The following PDE1C variants were observed in gnomAD, a reference collection of about 807,000 sequenced individuals.
The protein encoded by PDE1C is dual specificity calcium/calmodulin-dependent 3',5'-cyclic nucleotide phosphodiesterase 1C.
In PDE1C, 62 loss-of-function variants were observed where a neutral mutation model predicts 93.1. That is an observed-to-expected ratio of 0.67 (90% CI 0.54 to 0.82). The LOEUF (loss-of-function observed/expected upper bound fraction) is 0.82, where lower values mean the gene tolerates loss of function less well. Among genes scored for constraint, PDE1C ranks in the 40% least tolerant of loss-of-function variants. The probability of loss-of-function intolerance (pLI) is 0.00; values close to 1 mark genes in which losing one functional copy is unlikely to be tolerated. For synonymous variants in PDE1C, 325 were observed against 310.1 expected (o/e 1.05, Z -0.50); for missense variants, 742 against 884.6 (o/e 0.84, Z 2.04).
chr7:32,229,335 G>A (rs921609425), intron 1 of PDE1C, among the ~76,000 whole-genome samples: 17 of 152,166 alleles, frequency 1.1e-4, no homozygotes, highest in Non-Finnish European at 2.2e-4. Flanking sequence ...CACAAGTCTA[G>A]GGAGCACTTG....
intron 1 of PDE1C, among the ~76,000 whole-genome samples, chr7:32,246,393 G>A (rs1026609684): frequency 3.3e-5 from 5 of 152,060 alleles, no homozygotes; most frequent in African/African-American, 1.2e-4. Context: ...GTAGCAGGGG[G>A]CAGATGTGTA....
At chr7:31,794,582 C>A (rs1439322714) in intron 16 of PDE1C, among the ~76,000 whole-genome samples, 1 of 152,000 alleles carries the variant, frequency 6.6e-6, no homozygotes, top group Non-Finnish European at 1.5e-5. Context: ...GAATGTAGCA[C>A]ATTAACACAA....
intron 1 of PDE1C, among the ~76,000 whole-genome samples, chr7:32,408,149 C>T (rs540166197): frequency 9.9e-5 from 15 of 152,224 alleles, no homozygotes; most frequent in South Asian, 8.3e-4. Context: ...ACAAGAGGTA[C>T]GCCAAGAGGC....
At position 32,088,007 on chromosome 7, in the gene PDE1C, T is replaced by C. The variant is rs61227517; in HGVS notation, c.308+81778A>G. ...CCTAAAACTTAAAGTATAATAATAA[T>C]AAAATAAAAAAATAAAAAATAAAAA... On this transcript the variant is annotated intron_variant, in intron 3 of 18. Transcript: ENST00000396193. Among the ~76,000 whole-genome samples, 1,444 of 146,148 alleles carry C rather than the reference T, an allele frequency of 9.9e-3. 19 individuals carry two copies. The highest frequency in any genetic ancestry group is 0.034 in the African/African-American group (1,376 of 40,198).
chr7:31,660,143 G>A, the PDE1C span, among the ~76,000 whole-genome samples: 1 of 152,212 alleles, frequency 6.6e-6, no homozygotes, highest in South Asian at 2.1e-4. Flanking sequence ...GACCTCTCTG[G>A]TCTTGCTGAA....
intron 2 of PDE1C, among the ~76,000 whole-genome samples, chr7:31,908,352 G>C (rs988098274): frequency 1.3e-5 from 2 of 152,032 alleles, no homozygotes; most frequent in Admixed American, 6.6e-5. Flanking sequence ...AGTTTTGAAG[G>C]TGGTGCCAAA....
chr7:32,407,235 G>T (rs981619580), intron 1 of PDE1C, among the ~76,000 whole-genome samples: 1 of 152,080 alleles, frequency 6.6e-6, no homozygotes, highest in Non-Finnish European at 1.5e-5. Context: ...AGATCATGCC[G>T]CTGCAGTCCA....
At chr7:31,912,451 C>A (rs1405194589) in intron 2 of PDE1C, among the ~76,000 whole-genome samples, 1 of 151,860 alleles carries the variant, frequency 6.6e-6, no homozygotes, top group African/African-American at 2.4e-5. Flanking sequence ...TTTGGGAGGC[C>A]GAGACAGGTG....
At chr7:32,219,484 G>T (rs1007050549) in intron 1 of PDE1C, among the ~76,000 whole-genome samples, 53 of 152,292 alleles carry the variant, frequency 3.5e-4, no homozygotes, top group African/African-American at 1.1e-3. Context: ...TGCAGATAGG[G>T]ATGTGACTTT....
intron 1 of PDE1C, among the ~76,000 whole-genome samples, chr7:32,226,482 G>C (rs1002025967): frequency 5.3e-5 from 8 of 152,124 alleles, no homozygotes; most frequent in Admixed American, 2.0e-4. Flanking sequence ...CATCATAACG[G>C]GTAATGATTA....
At chr7:31,931,405 T>A (rs1200281197) in intron 2 of PDE1C, among the ~76,000 whole-genome samples, 1 of 152,148 alleles carries the variant, frequency 6.6e-6, no homozygotes. Flanking sequence ...GGAAACAACA[T>A]CAATGTGCAA....
intron 3 of PDE1C, among the ~76,000 whole-genome samples, chr7:32,133,008 A>G (rs1340736523): frequency 2.0e-5 from 3 of 152,182 alleles, no homozygotes; most frequent in African/African-American, 7.2e-5. Flanking sequence ...ATTTAGGAAA[A>G]AAATTATAAG....
At chr7:31,798,571 A>C (rs759572643) in intron 16 of PDE1C, among the ~76,000 whole-genome samples, 3 of 151,822 alleles carry the variant, frequency 2.0e-5, no homozygotes, top group Non-Finnish European at 4.4e-5. Flanking sequence ...ATGGTCACTA[A>C]GACCACCATC....
At chr7:32,308,481 C>G (rs1447587857) in intron 1 of PDE1C, among the ~76,000 whole-genome samples, 1 of 152,222 alleles carries the variant, frequency 6.6e-6, no homozygotes, top group Non-Finnish European at 1.5e-5. Context: ...GAGGCACCCC[C>G]CAGTAGTGGC....
chr7:31,674,892 A>G, the PDE1C span, among the ~76,000 whole-genome samples: 2 of 152,182 alleles, frequency 1.3e-5, no homozygotes, highest in Non-Finnish European at 2.9e-5. Context: ...AAGATCAAAA[A>G]TCTCAAAACT....
rs34543961 is a variant in PDE1C, at chr7:32,327,769, C to CAA, written c.310+100051_310+100052dup. ...TGGGCAACAGCGCTAGACTCTGTCT[C>CAA]AAAAAAAAAAAAAAAAAAAAAGAGA... On this transcript the variant is annotated intron_variant, in intron 1 of 1. Transcript: ENST00000672256. 9.6e-3 allele frequency among the ~76,000 whole-genome samples: 1,010 copies of CAA among 104,728 alleles called. 11 individuals carry two copies. Among genetic ancestry groups the CAA allele is most frequent in the African/African-American group, 0.033 (942 of 28,270 alleles). The allele number at this position is 104,728 out of a possible 152,430, so 68.7% of individuals were successfully genotyped here. A position where few individuals can be genotyped will look rare whatever the true frequency, so the allele number is the denominator to read the frequency against.
chr7:32,287,301 A>T (rs767875709), intron 1 of PDE1C, among the ~76,000 whole-genome samples: 1 of 152,150 alleles, frequency 6.6e-6, no homozygotes, highest in Non-Finnish European at 1.5e-5. Context: ...ATGCTCTCAC[A>T]GCCCTCAATA....
At chr7:31,640,348 A>T in the PDE1C span, among the ~76,000 whole-genome samples, 2 of 152,096 alleles carry the variant, frequency 1.3e-5, no homozygotes, top group Non-Finnish European at 2.9e-5. Context: ...GCATGAGCTC[A>T]TCAGTACTCA....
the PDE1C span, among the ~76,000 whole-genome samples, chr7:31,734,541 A>T: frequency 1.3e-5 from 2 of 152,062 alleles, no homozygotes; most frequent in Non-Finnish European, 2.9e-5. Context: ...TATTTGTCAG[A>T]CTCCATGTGA....
Sources: gnomAD v4.1 joint callset for allele counts (sites outside exome capture counted in the v4.1 genomes callset) on GRCh38, gnomAD v4.1.1 for gene constraint, MANE v1.5 for transcripts, NCBI Gene and HGNC (gene_info 2026-07-23, HGNC 2026-07-21) for gene names.